The following EBF3 variants were observed in gnomAD, a reference collection of about 807,000 sequenced individuals.
EBF3 encodes transcription factor COE3.
A neutral mutation model predicts 77.1 loss-of-function variants in EBF3; 18 were observed. The observed-to-expected ratio is 0.23, with a 90% CI of 0.16 to 0.35. The LOEUF (loss-of-function observed/expected upper bound fraction) is 0.35. Ranked by LOEUF, EBF3 falls within the 10% of genes least tolerant of loss-of-function variation. The pLI is 1.00. For missense variants in EBF3, 558 were observed against 860.0 expected (o/e 0.65, Z 4.39); for synonymous variants, 350 against 343.5 (o/e 1.02, Z -0.21).
At chr10:129,850,786 C>T (rs1409469409) in intron 10 of EBF3, among the ~76,000 whole-genome samples, 3 of 152,248 alleles carry the variant, frequency 2.0e-5, no homozygotes, top group Admixed American at 1.3e-4. Context: ...CTGCCTTCTA[C>T]AGAGCTCCTG....
chr10:129,912,500 G>A (rs1465680751), intron 6 of EBF3, among the ~76,000 whole-genome samples: 2 of 152,006 alleles, frequency 1.3e-5, no homozygotes, highest in African/African-American at 2.4e-5. Context: ...ATGCATTCTC[G>A]GCTTCTCTAG....
At chr10:129,910,936 T>C (rs1052339809) in intron 6 of EBF3, among the ~76,000 whole-genome samples, 2 of 152,154 alleles carry the variant, frequency 1.3e-5, no homozygotes, top group Admixed American at 6.5e-5. Flanking sequence ...AGCAGGGCCA[T>C]GGCCGAAGCT....
Position 129,843,469 on chromosome 10 carries a change from C to T in EBF3, c.1129-267G>A, listed in dbSNP as rs1032352144. ...GGGCTCACAGAGGTGCACGGACAAG[C>T]GGGAGGGCCGGCGGAGAACGAGCCC... On this transcript the variant is annotated intron_variant, in intron 11 of 16. Coordinates refer to ENST00000440978, the MANE Select transcript of EBF3 (RefSeq NM_001375380.1). 53 of 405,950 alleles carry T rather than the reference C, an allele frequency of 1.3e-4. 1 individual carries two copies. The highest frequency in any genetic ancestry group is 9.3e-4 in the Admixed American group (25 of 26,812). 25.1% of individuals were successfully genotyped at this position (405,950 alleles called of 1,614,324 possible).
Position 129,893,840 on chromosome 10 carries a change from C to T in EBF3, c.555-15991G>A, listed in dbSNP as rs371823127. On this transcript the variant is annotated intron_variant, in intron 6 of 16. Coordinates refer to ENST00000440978, the MANE Select transcript of EBF3 (RefSeq NM_001375380.1). Reference sequence around the variant, plus strand: ...CTGCTGAGGTCAACAGCAAGGTGAGCGCCTCTGTTACAGGAAGCGTGCAGG... The same window carrying T: ...CTGCTGAGGTCAACAGCAAGGTGAGTGCCTCTGTTACAGGAAGCGTGCAGG... 7.9e-5 allele frequency among the ~76,000 whole-genome samples: 12 copies of T among 152,306 alleles called. No homozygotes were observed. In the South Asian group the frequency reaches 2.5e-3, roughly 32 times the overall value.
chr10:129,926,801 C>T (rs1343532615), intron 6 of EBF3, among the ~76,000 whole-genome samples: 7 of 152,218 alleles, frequency 4.6e-5, no homozygotes, highest in Admixed American at 4.6e-4. Context: ...AGCCAAGGCC[C>T]TGCATGTCAG....
rs10665456 is a variant in EBF3 at position 129,889,946 on chromosome 10, C to CTTTTT, written c.555-12102_555-12098dup. 4.8e-4 allele frequency among the ~76,000 whole-genome samples: 40 copies of CTTTTT among 82,890 alleles called. 1 individual carries two copies. The highest frequency in any genetic ancestry group is 6.7e-4 in the African/African-American group (13 of 19,308). The allele number at this position is 82,890 out of a possible 152,430, so 54.4% of individuals were successfully genotyped here. A position where few individuals can be genotyped will look rare whatever the true frequency, so the allele number is the denominator to read the frequency against. The stretch of plus-strand genomic sequence containing the variant: ...AAATGAGCAAAGCCCATTGAAGTGC[C>CTTTTT]TTTTTTTTTTTTTTTTTTTTTTTTT... On this transcript the variant is annotated intron_variant, in intron 6 of 16. Transcript: ENST00000440978.
At position 129,835,647 on chromosome 10, in the gene EBF3, G is replaced by A. The variant is rs74562419; in HGVS notation, c.*2296C>T. The A allele has an allele frequency of 0.015, 2,288 of 152,470 alleles. 31 individuals carry two copies. The highest frequency in any genetic ancestry group is 0.024 in the African/African-American group (987 of 41,554). The allele number at this position is 152,470 out of a possible 1,614,324, so 9.4% of individuals were successfully genotyped here. A position where few individuals can be genotyped will look rare whatever the true frequency, so the allele number is the denominator to read the frequency against. On this transcript the variant is annotated 3_prime_UTR_variant, in exon 17 of 17. Transcript: ENST00000440978. ...GACCTTGTCAACCATCACAAAGCCA[G>A]ACTGTGACCTGCTGACTCCTGGGGA...
At chr10:129,958,736 G>C (rs546466817) in intron 5 of EBF3, among the ~76,000 whole-genome samples, 198 bp downstream of exon 5, 46 of 152,302 alleles carry the variant, frequency 3.0e-4, no homozygotes, top group African/African-American at 1.1e-3. Flanking sequence ...TGAGCAGCGG[G>C]TCGCGTTGAT....
intron 6 of EBF3, among the ~76,000 whole-genome samples, chr10:129,914,727 C>T (rs541453372): frequency 6.6e-6 from 1 of 152,284 alleles, no homozygotes; most frequent in East Asian, 1.9e-4. Flanking sequence ...GGTAGAGCCA[C>T]CTGCATGGGA....
intron 6 of EBF3, among the ~76,000 whole-genome samples, chr10:129,934,191 A>C (rs2134440301): frequency 6.6e-6 from 1 of 151,784 alleles, no homozygotes; most frequent in Admixed American, 6.6e-5. Context: ...GCCTCCTCTT[A>C]GTCCTTGATC....
At chr10:129,945,578 G>A (rs932851678) in intron 6 of EBF3, among the ~76,000 whole-genome samples, 1 of 152,172 alleles carries the variant, frequency 6.6e-6, no homozygotes, top group Admixed American at 6.5e-5. Context: ...CTAATAAACT[G>A]GCTGGCTGTG....
At chr10:129,860,971 C>A (rs1851590651) in intron 10 of EBF3, among the ~76,000 whole-genome samples, 1 of 152,256 alleles carries the variant, frequency 6.6e-6, no homozygotes, top group Non-Finnish European at 1.5e-5. Flanking sequence ...GACAAATAGT[C>A]TACTTGTGCA....
chr10:129,910,287 G>T (rs1315296542), intron 6 of EBF3, among the ~76,000 whole-genome samples: 2 of 152,218 alleles, frequency 1.3e-5, no homozygotes, highest in Non-Finnish European at 2.9e-5. Flanking sequence ...CCAGTACGGG[G>T]CCTGAAAGAA....
At chr10:129,867,322 A>T in intron 9 of EBF3, 55 bp from the exon 10 acceptor site, 1 of 1,604,740 alleles carries the variant, frequency 6.2e-7, no homozygotes, top group Admixed American at 1.8e-5. Context: ...TGAGAGGCGG[A>T]CACTTGCCAG....
intron 4 of EBF3, among the ~76,000 whole-genome samples, chr10:129,961,152 C>G (rs1384222828): frequency 6.6e-6 from 1 of 152,206 alleles, no homozygotes; most frequent in Non-Finnish European, 1.5e-5. Context: ...CAGGAAGCCC[C>G]AACGAGCTCT....
At chr10:129,906,174 G>C (rs1271159971) in intron 6 of EBF3, among the ~76,000 whole-genome samples, 2 of 152,170 alleles carry the variant, frequency 1.3e-5, no homozygotes, top group Non-Finnish European at 2.9e-5. Flanking sequence ...TGATTTCAAA[G>C]CTTAATGCAA....
intron 6 of EBF3, 118 bp downstream of exon 6, chr10:129,957,140 A>T: frequency 1.2e-6 from 1 of 846,600 alleles, no homozygotes; most frequent in Middle Eastern, 2.6e-4. Flanking sequence ...AAATGGTGCA[A>T]TGCACAAGAT....
At chr10:129,865,972 C>G (rs1851986593) in intron 10 of EBF3, among the ~76,000 whole-genome samples, 1 of 152,200 alleles carries the variant, frequency 6.6e-6, no homozygotes, top group Non-Finnish European at 1.5e-5. Context: ...ACTGCACATG[C>G]AGGTCAAGCC....
intron 7 of EBF3, among the ~76,000 whole-genome samples, chr10:129,875,230 T>C (rs1852684386): frequency 7.3e-6 from 1 of 136,438 alleles, no homozygotes; most frequent in African/African-American, 2.8e-5. Flanking sequence ...GGAGTCTCGC[T>C]CTGTTGCCCA....
Sources: allele counts gnomAD v4.1 joint callset (sites outside exome capture counted in the v4.1 genomes callset), GRCh38; gene constraint gnomAD v4.1.1; transcripts MANE v1.5; gene names NCBI Gene and HGNC (gene_info 2026-07-23, HGNC 2026-07-21).